NLGN1: variants seen among roughly 807,000 people sequenced by gnomAD.
The protein encoded by NLGN1 is neuroligin-1.
NLGN1 carries 12 observed loss-of-function variants against 65.5 expected under a neutral mutation model. That is an observed-to-expected ratio of 0.18 (90% confidence interval 0.12 to 0.30). The LOEUF is 0.30. Among genes scored for constraint, NLGN1 ranks in the 10% least tolerant of loss-of-function variants. The pLI, the probability that NLGN1 is intolerant of heterozygous loss-of-function variation, is 1.00. For missense variants in NLGN1, 750 were observed against 1,007.1 expected (o/e 0.74, Z 3.46); for synonymous variants, 350 against 359.5 (o/e 0.97, Z 0.30).
chr3:173,718,222 G>A (rs558808271), intron 3 of NLGN1, among the ~76,000 whole-genome samples: 174 of 152,000 alleles, frequency 1.1e-3, no homozygotes, highest in Non-Finnish European at 1.8e-3. Flanking sequence ...TGACTCTATT[G>A]TGTTATCAAA....
intron 4 of NLGN1, among the ~76,000 whole-genome samples, chr3:174,099,403 T>G (rs1015476192): frequency 6.6e-6 from 1 of 152,196 alleles, no homozygotes; most frequent in Non-Finnish European, 1.5e-5. Context: ...ATCTCCAGGT[T>G]TTAAGATATG....
intron 4 of NLGN1, among the ~76,000 whole-genome samples, chr3:174,108,303 G>A (rs532944485): frequency 1.2e-4 from 18 of 152,182 alleles, no homozygotes; most frequent in African/African-American, 4.3e-4. Context: ...TGTATAAGAT[G>A]TGAAACTTAG....
At chr3:173,647,507 TAATGGAATTGA>T (rs1176004678) in intron 3 of NLGN1, among the ~76,000 whole-genome samples, 1 of 152,094 alleles carries the variant, frequency 6.6e-6, no homozygotes, top group Admixed American at 6.5e-5. Context: ...TTTCTGATCT[TAATGGAATTGA>T]AATGGAAATC....
At chr3:173,786,864 A>G (rs534911137) in intron 3 of NLGN1, among the ~76,000 whole-genome samples, 4 of 152,180 alleles carry the variant, frequency 2.6e-5, no homozygotes, top group Non-Finnish European at 5.9e-5. Context: ...ATCACCTGAG[A>G]TCTGGAGTTA....
At chr3:174,065,749 C>G (rs916883787) in intron 4 of NLGN1, among the ~76,000 whole-genome samples, 1 of 151,976 alleles carries the variant, frequency 6.6e-6, no homozygotes, top group Admixed American at 6.6e-5. Flanking sequence ...TTCTGTTTCC[C>G]TTGTACTCTC....
intron 4 of NLGN1, among the ~76,000 whole-genome samples, chr3:174,093,779 A>C (rs1744958339): frequency 6.6e-6 from 1 of 152,186 alleles, no homozygotes; most frequent in African/African-American, 2.4e-5. Context: ...TGTCAGTATA[A>C]TTTAGTTAAT....
intron 2 of NLGN1, among the ~76,000 whole-genome samples, chr3:173,486,819 T>A (rs1401731699): frequency 6.6e-6 from 1 of 152,180 alleles, no homozygotes; most frequent in Non-Finnish European, 1.5e-5. Flanking sequence ...TTCACTAATT[T>A]CTGTTCAAAT....
chr3:173,403,889 T>C (rs1718152457), intron 1 of NLGN1, among the ~76,000 whole-genome samples: 1 of 152,182 alleles, frequency 6.6e-6, no homozygotes, highest in African/African-American at 2.4e-5. Flanking sequence ...GTGTCTTTTT[T>C]TTCCCTGAAT....
intron 2 of NLGN1, among the ~76,000 whole-genome samples, chr3:173,528,619 A>C (rs1229039794): frequency 6.6e-6 from 1 of 152,130 alleles, no homozygotes; most frequent in African/African-American, 2.4e-5. Context: ...ATATTTCTCC[A>C]AGGCTTTGTT....
At position 174,116,330 on chromosome 3, in the gene NLGN1, C is replaced by CTTTTTTTTTTTTTTTT. The variant is rs1168837585; in HGVS notation, c.647-158973_647-158958dup. On this transcript the variant is annotated intron_variant, in intron 4 of 6. Coordinates refer to ENST00000457714, the Ensembl canonical transcript of NLGN1. The stretch of plus-strand genomic sequence containing the variant: ...ACATGTAAGTTTTTTTCTGGGTTTT[C>CTTTTTTTTTTTTTTTT]TTTTTTTTTTTTTTTTTTTTTTTTT... Among the ~76,000 whole-genome samples, 18 of 69,634 alleles carry CTTTTTTTTTTTTTTTT rather than the reference C, an allele frequency of 2.6e-4. 9 individuals carry two copies. The highest frequency in any genetic ancestry group is 1.9e-4 in the African/African-American group (4 of 20,740). 45.7% of individuals were successfully genotyped at this position (69,634 alleles called of 152,430 possible).
intron 4 of NLGN1, among the ~76,000 whole-genome samples, chr3:173,944,886 AAAGAG>A (rs1746868347): frequency 6.6e-6 from 1 of 152,174 alleles, no homozygotes; most frequent in African/African-American, 2.4e-5. Context: ...GATGTGTAAT[AAAGAG>A]AAGAGTTTTA....
At chr3:173,539,667 G>GTA (rs1560406271) in intron 2 of NLGN1, among the ~76,000 whole-genome samples, 32 of 133,652 alleles carry the variant, frequency 2.4e-4, no homozygotes, top group African/African-American at 4.2e-4. Flanking sequence ...GTGTATATAT[G>GTA]CACATATATA....
intron 4 of NLGN1, among the ~76,000 whole-genome samples, chr3:174,106,963 G>A (rs1713970345): frequency 7.1e-6 from 1 of 140,402 alleles, no homozygotes; most frequent in South Asian, 2.3e-4. Flanking sequence ...TGATTCAAAT[G>A]ACAATCTCTT....
At chr3:173,554,216 A>G (rs1010324050) in intron 2 of NLGN1, among the ~76,000 whole-genome samples, 5 of 152,346 alleles carry the variant, frequency 3.3e-5, no homozygotes, top group South Asian at 2.1e-4. Flanking sequence ...ACTAAAAATT[A>G]AAGATGATTT....
chr3:174,006,549 T>G (rs917869291), intron 4 of NLGN1, among the ~76,000 whole-genome samples: 1 of 152,170 alleles, frequency 6.6e-6, no homozygotes, highest in Non-Finnish European at 1.5e-5. Flanking sequence ...TCTGTCCCTC[T>G]CCTACTTACA....
At chr3:173,450,133 A>G (rs376788079) in intron 2 of NLGN1, among the ~76,000 whole-genome samples, 9 of 152,256 alleles carry the variant, frequency 5.9e-5, no homozygotes, top group African/African-American at 9.6e-5. Context: ...TTTGCTCGTT[A>G]GTTGATGCAG....
chr3:174,181,808 T>C (rs7632414), intron 4 of NLGN1, among the ~76,000 whole-genome samples: 28,207 of 145,926 alleles, frequency 0.19, 3,073 homozygotes, highest in African/African-American at 0.29. Context: ...CACACACACA[T>C]ATGTATGTAC....
intron 1 of NLGN1, among the ~76,000 whole-genome samples, chr3:173,434,409 C>T (rs544074244): frequency 1.3e-5 from 2 of 152,250 alleles, no homozygotes; most frequent in East Asian, 3.9e-4. Context: ...CAGGTGATTA[C>T]AATTCATGGG....
At chr3:173,492,499 A>T (rs1256948829) in intron 2 of NLGN1, among the ~76,000 whole-genome samples, 1 of 151,826 alleles carries the variant, frequency 6.6e-6, no homozygotes, top group African/African-American at 2.4e-5. Context: ...GTTATAAATG[A>T]TAATATTTGT....
Sources: gnomAD v4.1 joint callset for allele counts (sites outside exome capture counted in the v4.1 genomes callset) on GRCh38, gnomAD v4.1.1 for gene constraint, MANE v1.5 for transcripts, NCBI Gene and HGNC (gene_info 2026-07-23, HGNC 2026-07-21) for gene names.